The following ARHGEF3 variants were observed in gnomAD, a reference collection of about 807,000 sequenced individuals.
ARHGEF3 encodes the protein Rho guanine nucleotide exchange factor 3.
A neutral mutation model predicts 63.2 loss-of-function variants in ARHGEF3; 28 were observed. The observed-to-expected ratio is 0.44, with a 90% CI of 0.33 to 0.61. The LOEUF (loss-of-function observed/expected upper bound fraction) is 0.61. Ranked by LOEUF, ARHGEF3 falls within the 20% of genes least tolerant of loss-of-function variation. ARHGEF3 has a pLI of 0.03. For missense variants in ARHGEF3, 533 were observed against 659.3 expected, an observed-to-expected ratio of 0.81 and a Z score of 2.10; for synonymous variants, 266 against 254.2, an observed-to-expected ratio of 1.05 and a Z score of -0.44.
At chr3:57,028,339 A>ACAC (rs532382008) in intron 2 of ARHGEF3, among the ~76,000 whole-genome samples, 1 of 85,724 alleles carries the variant, frequency 1.2e-5, no homozygotes, top group East Asian at 3.1e-4. Flanking sequence ...TGGCACATAT[A>ACAC]CACCATGGAA....
intron 8 of ARHGEF3, among the ~76,000 whole-genome samples, chr3:56,734,643 A>G (rs973321147): frequency 6.6e-6 from 1 of 152,212 alleles, no homozygotes; most frequent in African/African-American, 2.4e-5. Flanking sequence ...TAGTGGGAGC[A>G]CATTCAATAT....
At chr3:56,733,755 G>A (rs2033387498) in intron 8 of ARHGEF3, among the ~76,000 whole-genome samples, 1 of 151,952 alleles carries the variant, frequency 6.6e-6, no homozygotes, top group Non-Finnish European at 1.5e-5. Context: ...AGGCCGAGGT[G>A]GGCGGATCAC....
chr3:57,008,747 C>G (rs1702568280), intron 2 of ARHGEF3, among the ~76,000 whole-genome samples: 1 of 152,160 alleles, frequency 6.6e-6, no homozygotes, highest in African/African-American at 2.4e-5. Flanking sequence ...GCTGGGATTA[C>G]AGGCATGAGT....
intron 1 of ARHGEF3, chr3:57,073,527 C>T (rs1444196367): frequency 1.7e-6 from 2 of 1,161,258 alleles, no homozygotes; most frequent in South Asian, 1.7e-5. Flanking sequence ...TGGGGTTTGG[C>T]TCTGTTTGAG....
At chr3:57,073,834 C>G in intron 1 of ARHGEF3, 1 of 1,614,224 alleles carries the variant, frequency 6.2e-7, no homozygotes, top group Non-Finnish European at 8.5e-7. Context: ...CCCAACAAAC[C>G]CCACTGTGCA....
At chr3:57,073,581 G>A in intron 1 of ARHGEF3, 2 of 1,449,732 alleles carry the variant, frequency 1.4e-6, no homozygotes, top group Non-Finnish European at 9.1e-7. Flanking sequence ...AAGGTGAATT[G>A]GAACAGTGCA....
chr3:56,995,958 A>G (rs1393140586), intron 2 of ARHGEF3, among the ~76,000 whole-genome samples: 1 of 152,188 alleles, frequency 6.6e-6, no homozygotes, highest in Non-Finnish European at 1.5e-5. Flanking sequence ...GAAGTAATTC[A>G]TCAGCTGAGT....
chr3:56,867,355 T>C (rs1016550015), intron 4 of ARHGEF3, among the ~76,000 whole-genome samples: 3 of 152,128 alleles, frequency 2.0e-5, no homozygotes, highest in Admixed American at 6.5e-5. Flanking sequence ...GAGACAAATA[T>C]AATAAATTTA....
At chr3:56,837,774 A>G (rs1334215206) in intron 4 of ARHGEF3, among the ~76,000 whole-genome samples, 1 of 152,238 alleles carries the variant, frequency 6.6e-6, no homozygotes, top group Non-Finnish European at 1.5e-5. Context: ...AGTTCACTCT[A>G]CCATGAATAC....
rs546282146 is a variant in ARHGEF3 at position 56,739,146 on chromosome 3, T to C, written c.871-1791A>G. Among the ~76,000 whole-genome samples the C allele has an allele frequency of 9.9e-5, 15 of 152,228 alleles. 1 individual carries two copies. The South Asian group carries it at 3.1e-3, about 32-fold the overall frequency. On this transcript the variant is annotated intron_variant, in intron 7 of 9. Transcript: ENST00000296315. ...AATCAGAGGCAAAATAATGATTTCCTTAGCAGGATTCTCTGTCCCCTAAAA... is the reference window on the plus strand; with the variant it reads ...AATCAGAGGCAAAATAATGATTTCCCTAGCAGGATTCTCTGTCCCCTAAAA...
At chr3:56,755,189 G>T in intron 2 of ARHGEF3, 38 bp from the exon 3 acceptor site, 4 of 1,602,590 alleles carry the variant, frequency 2.5e-6, no homozygotes, top group Non-Finnish European at 3.4e-6. Flanking sequence ...CGGGGGCAGC[G>T]GCAGGACTGG....
chr3:56,757,686 A>G (rs1578427607), intron 2 of ARHGEF3, among the ~76,000 whole-genome samples: 1 of 152,140 alleles, frequency 6.6e-6, no homozygotes, highest in South Asian at 2.1e-4. Flanking sequence ...TCATGTTGAC[A>G]TTATGAGTGA....
At chr3:56,757,180 A>T (rs2035125963) in intron 2 of ARHGEF3, among the ~76,000 whole-genome samples, 1 of 152,128 alleles carries the variant, frequency 6.6e-6, no homozygotes, top group Non-Finnish European at 1.5e-5. Context: ...ATTGTTAAAT[A>T]AGTTGTAAGT....
chr3:56,967,491 A>ATAT (rs1700593700), intron 2 of ARHGEF3, among the ~76,000 whole-genome samples: 3 of 86,106 alleles, frequency 3.5e-5, no homozygotes, highest in Non-Finnish European at 6.0e-5. Flanking sequence ...ATAATATATT[A>ATAT]AATATATTAC....
intron 2 of ARHGEF3, among the ~76,000 whole-genome samples, chr3:57,011,297 T>C (rs2107102877): frequency 6.6e-6 from 1 of 152,346 alleles, no homozygotes; most frequent in East Asian, 1.9e-4. Flanking sequence ...TCACCTTTTT[T>C]CTGCCCTAGC....
intron 1 of ARHGEF3, chr3:56,774,872 A>G: frequency 1.3e-6 from 1 of 787,706 alleles, no homozygotes; most frequent in Middle Eastern, 3.5e-4. Flanking sequence ...AGCCTGGTTG[A>G]CAGAGACTCT....
At chr3:56,967,719 A>G (rs1322261984) in intron 2 of ARHGEF3, among the ~76,000 whole-genome samples, 2 of 85,226 alleles carry the variant, frequency 2.3e-5, no homozygotes, top group Admixed American at 2.2e-4. Context: ...TATATATAAC[A>G]TATATACTGG....
At chr3:56,994,900 G>A (rs1459974544) in intron 2 of ARHGEF3, among the ~76,000 whole-genome samples, 1 of 152,086 alleles carries the variant, frequency 6.6e-6, no homozygotes, top group Non-Finnish European at 1.5e-5. Context: ...TGCTGTTCTT[G>A]TGACAGTGAG....
chr3:56,779,181 A>G (rs1428168893), intron 1 of ARHGEF3, among the ~76,000 whole-genome samples: 2 of 152,246 alleles, frequency 1.3e-5, no homozygotes, highest in Non-Finnish European at 2.9e-5. Context: ...TTTTTATGTG[A>G]GTAAACCCTA....
Sources: gnomAD v4.1 joint callset for allele counts (sites outside exome capture counted in the v4.1 genomes callset) on GRCh38, gnomAD v4.1.1 for gene constraint, MANE v1.5 for transcripts, NCBI Gene and HGNC (gene_info 2026-07-23, HGNC 2026-07-21) for gene names.